The following ADAM29 variants were observed in gnomAD, a reference collection of about 807,000 sequenced individuals.
ADAM29 encodes the protein ADAM metallopeptidase domain 29, also known as disintegrin and metalloproteinase domain-containing protein 29.
For missense variants in ADAM29, 969 were observed against 1,001.8 expected, an observed-to-expected ratio of 0.97 and a Z score of 0.44; for synonymous variants, 367 against 342.3, an observed-to-expected ratio of 1.07 and a Z score of -0.80.
At chr4:174,967,298 T>G (rs1374500077) in intron 4 of ADAM29, among the ~76,000 whole-genome samples, 2 of 151,610 alleles carry the variant, frequency 1.3e-5, no homozygotes, top group African/African-American at 4.8e-5. Context: ...GGTAACAAGA[T>G]TTTTCTTTTA....
chr4:174,936,717 T>A (rs2110955139), intron 3 of ADAM29, among the ~76,000 whole-genome samples: 1 of 152,044 alleles, frequency 6.6e-6, no homozygotes, highest in East Asian at 1.9e-4. Context: ...TATTGAAGCA[T>A]AAAGTTCATG....
At chr4:174,921,384 A>G (rs1743155456) in intron 2 of ADAM29, among the ~76,000 whole-genome samples, 1 of 152,174 alleles carries the variant, frequency 6.6e-6, no homozygotes, top group African/African-American at 2.4e-5. Flanking sequence ...CTCAACCAAC[A>G]TCAGTGAGAA....
intron 4 of ADAM29, among the ~76,000 whole-genome samples, chr4:174,959,998 C>T (rs148611494): frequency 3.9e-4 from 59 of 152,068 alleles, no homozygotes; most frequent in African/African-American, 1.4e-3. Flanking sequence ...CAATAAAAGA[C>T]TACTCACATT....
At position 174,978,124 on chromosome 4, in the gene ADAM29, G is replaced by A. The variant is rs994298893; in HGVS notation, c.*136G>A. 3.1e-5 allele frequency: 43 copies of A among 1,384,544 alleles called. No individual in the cohort carries two copies. The highest frequency in any genetic ancestry group is 4.5e-5 in the Admixed American group (2 of 44,430). 85.8% of individuals were successfully genotyped at this position (1,384,544 alleles called of 1,614,324 possible). ...TAAAAGTGGTAAACAAAAGCAATCA[G>A]TACCAATTCCAAAAACTGTATCCAG... On this transcript the variant is annotated 3_prime_UTR_variant, in exon 5 of 5. Coordinates refer to ENST00000359240, the MANE Select transcript of ADAM29 (RefSeq NM_014269.4).
chr4:174,948,741 C>T (rs1196807233), intron 4 of ADAM29, among the ~76,000 whole-genome samples: 2 of 152,126 alleles, frequency 1.3e-5, no homozygotes, highest in Non-Finnish European at 2.9e-5. Flanking sequence ...TCTGCTAGCA[C>T]TTGTGCTGAT....
At chr4:174,962,119 CA>C (rs746122110) in intron 4 of ADAM29, among the ~76,000 whole-genome samples, 6 of 152,016 alleles carry the variant, frequency 3.9e-5, no homozygotes, top group Non-Finnish European at 7.4e-5. Flanking sequence ...GTAAAATTTG[CA>C]TAAACTTTTA....
At position 174,975,821 on chromosome 4, in the gene ADAM29, A is replaced by G; in HGVS notation, c.296A>G (p.Asn99Ser). The change falls in exon 5 of 5, where the codon AAC becomes AGC. Residue 99 changes from asparagine (N) to serine (S), a missense_variant. Coordinates refer to ENST00000359240, the MANE Select transcript of ADAM29 (RefSeq NM_014269.4). ...ILEDQPFVQN[N>S]CYYHGYVEGD... ...GAGGACCAGCCATTTGTCCAGAATA[A>G]CTGCTACTATCATGGTTATGTGGAA... is the stretch of plus-strand genomic sequence containing the variant. The G allele has an allele frequency of 1.9e-6, 3 of 1,614,164 alleles. No individual in the cohort carries two copies. The highest frequency in any genetic ancestry group is 8.5e-7 in the Non-Finnish European group (1 of 1,180,030).
chr4:174,956,488 G>T (rs1745506901), intron 4 of ADAM29, among the ~76,000 whole-genome samples: 1 of 122,078 alleles, frequency 8.2e-6, no homozygotes, highest in African/African-American at 3.5e-5. Context: ...GTGTGTGTGT[G>T]TGTGTCTGTG....
Position 174,962,355 on chromosome 4 carries a change from CA to C in ADAM29, c.-180-12984del, listed in dbSNP as rs1180563745. The stretch of plus-strand genomic sequence containing the variant: ...TGAAACCCCGTCTCTACTAAAAATA[CA>C]AAAAAATTAGCTGGGCGTGGTGGGG... On this transcript the variant is annotated intron_variant, in intron 4 of 4. Transcript: ENST00000359240. Among the ~76,000 whole-genome samples, 97 of 151,668 alleles carry C rather than the reference CA, an allele frequency of 6.4e-4. 1 individual carries two copies. The highest frequency in any genetic ancestry group is 1.3e-3 in the Admixed American group (20 of 15,212).
chr4:174,927,976 C>T (rs905006847), intron 2 of ADAM29, among the ~76,000 whole-genome samples: 2 of 152,164 alleles, frequency 1.3e-5, no homozygotes, highest in African/African-American at 4.8e-5. Flanking sequence ...GGCTGGGAAA[C>T]ACTTGGCCTG....
chr4:174,959,865 A>G (rs1053159599), intron 4 of ADAM29, among the ~76,000 whole-genome samples: 5 of 151,884 alleles, frequency 3.3e-5, no homozygotes, highest in African/African-American at 1.2e-4. Flanking sequence ...AGCCATGTCA[A>G]TGTGTCCTGA....
intron 4 of ADAM29, among the ~76,000 whole-genome samples, chr4:174,947,917 T>G (rs1228138082): frequency 6.6e-6 from 1 of 152,244 alleles, no homozygotes; most frequent in African/African-American, 2.4e-5. Flanking sequence ...TTTGGAGAAC[T>G]AGTCTTTGAA....
At chr4:174,960,194 T>C (rs1474168503) in intron 4 of ADAM29, among the ~76,000 whole-genome samples, 2 of 152,052 alleles carry the variant, frequency 1.3e-5, no homozygotes, top group Non-Finnish European at 2.9e-5. Flanking sequence ...TCACTTAGTG[T>C]TTTCTCGAAT....
At chr4:174,971,413 ATC>A (rs1259916586) in intron 4 of ADAM29, among the ~76,000 whole-genome samples, 4 of 148,982 alleles carry the variant, frequency 2.7e-5, no homozygotes, top group Admixed American at 2.7e-4. Context: ...ATTGGTGATG[ATC>A]TCTCTCAGAT....
intron 4 of ADAM29, among the ~76,000 whole-genome samples, chr4:174,967,200 G>T (rs1746204143): frequency 6.6e-6 from 1 of 152,112 alleles, no homozygotes; most frequent in Admixed American, 6.5e-5. Context: ...AATCAAAGGG[G>T]CTTCAAACTG....
intron 4 of ADAM29, among the ~76,000 whole-genome samples, chr4:174,960,106 T>G (rs1246516602): frequency 6.6e-6 from 1 of 152,058 alleles, no homozygotes; most frequent in Non-Finnish European, 1.5e-5. Context: ...TTGTTTATAA[T>G]ATTTTCTTAT....
At chr4:174,969,770 A>G (rs1746369654) in intron 4 of ADAM29, among the ~76,000 whole-genome samples, 1 of 152,126 alleles carries the variant, frequency 6.6e-6, no homozygotes, top group Non-Finnish European at 1.5e-5. Context: ...TTACTTTTCC[A>G]TATAAAAATG....
At chr4:174,953,104 A>C (rs1254179961) in intron 4 of ADAM29, among the ~76,000 whole-genome samples, 1 of 151,824 alleles carries the variant, frequency 6.6e-6, no homozygotes, top group Non-Finnish European at 1.5e-5. Context: ...GGCTAACACG[A>C]TGAAACCCCG....
intron 4 of ADAM29, among the ~76,000 whole-genome samples, chr4:174,955,604 G>A (rs925292152): frequency 6.6e-6 from 1 of 151,934 alleles, no homozygotes; most frequent in Admixed American, 6.6e-5. Flanking sequence ...CAAAATTTCA[G>A]CTGTATAAGA....
Sources: gnomAD v4.1 joint callset for allele counts (sites outside exome capture counted in the v4.1 genomes callset) on GRCh38, gnomAD v4.1.1 for gene constraint, MANE v1.5 for transcripts, NCBI Gene and HGNC (gene_info 2026-07-23, HGNC 2026-07-21) for gene names.